Variants in REG4 observed in about 807,000 individuals in gnomAD.
REG4 encodes the protein regenerating family member 4.
REG4 carries 16 observed loss-of-function variants against 22.3 expected under a neutral mutation model. The ratio of observed to expected loss-of-function variants is 0.72; its 90% confidence interval spans 0.49 to 1.09. REG4 has a LOEUF of 1.09. Ranked by LOEUF, REG4 falls within the 50% of genes least tolerant of loss-of-function variation. The pLI is 0.00. For missense variants in REG4, 214 were observed against 193.9 expected, an observed-to-expected ratio of 1.10 and a Z score of -0.61; for synonymous variants, 71 against 69.2, an observed-to-expected ratio of 1.03 and a Z score of -0.13.
chr1:119,805,965 C>T (rs587720986), intron 2 of REG4, among the ~76,000 whole-genome samples: 1 of 152,190 alleles, frequency 6.6e-6, no homozygotes, highest in African/African-American at 2.4e-5. Flanking sequence ...CTACCCCACT[C>T]CCATCGCCCA....
At chr1:119,805,368 C>A (rs767467897) in intron 2 of REG4, among the ~76,000 whole-genome samples, 5 of 152,102 alleles carry the variant, frequency 3.3e-5, no homozygotes, top group Non-Finnish European at 7.4e-5. Flanking sequence ...GACCTTTGGC[C>A]CGAGGACAAA....
intron 5 of REG4, among the ~76,000 whole-genome samples, chr1:119,796,619 G>T (rs1653944858): frequency 6.6e-6 from 1 of 152,178 alleles, no homozygotes; most frequent in African/African-American, 2.4e-5. Context: ...TGTGGCTGAG[G>T]GGGATGGGCT....
At chr1:119,799,651 G>A (rs1270053603) in intron 4 of REG4, 74 bp downstream of exon 4, 2 of 1,565,912 alleles carry the variant, frequency 1.3e-6, no homozygotes, top group Non-Finnish European at 1.7e-6. Flanking sequence ...TTATAGGCCG[G>A]GAGGCCATTC....
At chr1:119,799,125 TC>T (rs750990627) in intron 4 of REG4, among the ~76,000 whole-genome samples, 83 of 152,092 alleles carry the variant, frequency 5.5e-4, no homozygotes, top group Non-Finnish European at 9.4e-4. Context: ...CGCTTTATGT[TC>T]CCTGTGTTTG....
At chr1:119,802,318 A>G in intron 3 of REG4, 1 of 984,876 alleles carries the variant, frequency 1.0e-6, no homozygotes, top group Non-Finnish European at 1.2e-6. Flanking sequence ...AAGGCGGGAG[A>G]ATACCTTCAT....
In REG4 at chr1:119,794,389, A is replaced by G; in HGVS notation, c.*229T>C. The G allele has an allele frequency of 1.6e-6, 1 of 613,524 alleles. No individual in the cohort carries two copies. The highest frequency in any genetic ancestry group is 1.9e-5 in the South Asian group (1 of 53,568). The allele number at this position is 613,524 out of a possible 1,614,324, so 38.0% of individuals were successfully genotyped here. On this transcript the variant is annotated 3_prime_UTR_variant, in exon 6 of 6. Transcript: ENST00000256585. Reference sequence around the variant, plus strand: ...ACAGCCAGAGACAGGGGAGGAGGGAAGAAGGATACTGTGGAAAGGGATGGC... The same window carrying G: ...ACAGCCAGAGACAGGGGAGGAGGGAGGAAGGATACTGTGGAAAGGGATGGC...
intron 3 of REG4, chr1:119,801,661 G>A (rs1213496323): frequency 6.6e-6 from 1 of 152,270 alleles, no homozygotes; most frequent in Non-Finnish European, 1.5e-5. Context: ...AGCTTCCAGG[G>A]GTCTCAAGAG....
chr1:119,802,420 G>T (rs1310920653), intron 3 of REG4: 1 of 992,348 alleles, frequency 1.0e-6, no homozygotes, highest in East Asian at 1.1e-4. Flanking sequence ...GTTTTATACA[G>T]GGATTGTAAG....
chr1:119,811,082 C>G lies in REG4; in HGVS notation c.-95+327G>C, dbSNP rs183761518. ...ACAAAAACAAAAACAAAAACAGAAACAAAAACAAAAAACCTGCACTGTAGA... is the reference window on the plus strand; with the variant it reads ...ACAAAAACAAAAACAAAAACAGAAAGAAAAACAAAAAACCTGCACTGTAGA... On this transcript the variant is annotated intron_variant, in intron 1 of 5. Transcript: ENST00000256585. Among the ~76,000 whole-genome samples, 11 of 151,996 alleles carry G rather than the reference C, an allele frequency of 7.2e-5. No homozygotes were observed. In the East Asian group the frequency reaches 2.1e-3, roughly 29 times the overall value.
In REG4 at chr1:119,798,666, C is replaced by T. The variant is rs188190619; in HGVS notation, c.304-64G>A. 1.9e-5 allele frequency: 21 copies of T among 1,130,010 alleles called. No individual in the cohort carries two copies. In the Admixed American group the frequency reaches 2.3e-4, roughly 12 times the overall value. 70.0% of individuals were successfully genotyped at this position (1,130,010 alleles called of 1,614,324 possible). ...ACCCACCTGCCACAGCCAAGGAAGT[C>T]CCCTCAGTCCCCTTTAAAACATGGT... On this transcript the variant is annotated intron_variant, in intron 4 of 5. Transcript: ENST00000256585.
chr1:119,803,254 G>A (rs751054789), intron 2 of REG4, 89 bp from the exon 3 acceptor site: 22 of 1,332,238 alleles, frequency 1.7e-5, no homozygotes, highest in Non-Finnish European at 2.2e-5. Flanking sequence ...GGAACCCCTT[G>A]AATGAAGAGA....
At chr1:119,798,028 A>G (rs1417008029) in intron 5 of REG4, among the ~76,000 whole-genome samples, 2 of 152,142 alleles carry the variant, frequency 1.3e-5, no homozygotes, top group African/African-American at 4.8e-5. Flanking sequence ...TTCTGGGGAC[A>G]GGATTCAGGG....
At position 119,798,599 on chromosome 1, in the gene REG4, G is replaced by A; in HGVS notation, c.307C>T (p.Gln103Ter). The change falls in exon 5 of 6, where the codon CAG becomes TAG. Residue 103 changes from glutamine to a stop codon, truncating the protein, a stop_gained. Transcript: ENST00000256585. LOFTEE classifies it high-confidence loss of function. The stretch of plus-strand genomic sequence containing the variant: ...GCCCCATCAATCCACTGCCACTGCT[G>A]CCTCTGCAACAACAGGAGATGGAGA... ...WIGLHDPQKR[Q>*]QWQWIDGAMY... 1 of 1,613,898 alleles carries A rather than the reference G, an allele frequency of 6.2e-7. No homozygotes were observed. The highest frequency in any genetic ancestry group is 8.5e-7 in the Non-Finnish European group (1 of 1,179,768).
chr1:119,803,268 C>T, intron 2 of REG4, 103 bp from the exon 3 acceptor site: 2 of 1,238,136 alleles, frequency 1.6e-6, no homozygotes, highest in Non-Finnish European at 2.2e-6. Context: ...GAAGAGAGTC[C>T]CTTCATGAAG....
intron 2 of REG4, among the ~76,000 whole-genome samples, chr1:119,806,122 GAGAC>G (rs781436166): frequency 4.6e-5 from 7 of 151,958 alleles, no homozygotes; most frequent in Admixed American, 1.3e-4. Flanking sequence ...TTTTTTAGTA[GAGAC>G]AGACAGAGTT....
chr1:119,805,917 C>A (rs973872447), intron 2 of REG4, among the ~76,000 whole-genome samples: 4 of 152,090 alleles, frequency 2.6e-5, no homozygotes, highest in African/African-American at 9.7e-5. Flanking sequence ...AGATATGCAA[C>A]CAACGGCCGC....
intron 5 of REG4, among the ~76,000 whole-genome samples, 199 bp downstream of exon 5, chr1:119,798,298 A>T (rs1383086201): frequency 6.6e-6 from 1 of 152,252 alleles, no homozygotes; most frequent in Non-Finnish European, 1.5e-5. Flanking sequence ...CATTGATGTG[A>T]CAAAGACTGT....
chr1:119,801,739 T>G (rs999745096), intron 3 of REG4: 1 of 152,324 alleles, frequency 6.6e-6, no homozygotes, highest in African/African-American at 2.4e-5. Context: ...GCACAGCTCT[T>G]GTTGGGTTTG....
chr1:119,807,743 G>A (rs1223187178), intron 2 of REG4, among the ~76,000 whole-genome samples: 2 of 152,184 alleles, frequency 1.3e-5, no homozygotes, highest in Non-Finnish European at 2.9e-5. Flanking sequence ...AGACATATTA[G>A]GGATAACTAT....
Sources: gnomAD v4.1 joint callset for allele counts (sites outside exome capture counted in the v4.1 genomes callset) on GRCh38, gnomAD v4.1.1 for gene constraint, MANE v1.5 for transcripts, NCBI Gene and HGNC (gene_info 2026-07-23, HGNC 2026-07-21) for gene names.